Variants in CLINT1 observed in about 807,000 individuals in gnomAD.
The protein encoded by CLINT1 is clathrin interacting protein localized in the trans-Golgi region.
CLINT1 carries 15 observed loss-of-function variants against 70.4 expected under a neutral mutation model. The observed-to-expected ratio is 0.21, with a 90% CI of 0.14 to 0.33. CLINT1 has a LOEUF of 0.33. Among genes scored for constraint, CLINT1 ranks in the 10% least tolerant of loss-of-function variants. The pLI, the probability that CLINT1 is intolerant of heterozygous loss-of-function variation, is 1.00. For synonymous variants in CLINT1, 227 were observed against 254.7 expected, an observed-to-expected ratio of 0.89 and a Z score of 1.04; for missense variants, 615 against 778.1, an observed-to-expected ratio of 0.79 and a Z score of 2.49.
chr5:157,804,722 C>G (rs1418280380), intron 7 of CLINT1, among the ~76,000 whole-genome samples: 2 of 151,900 alleles, frequency 1.3e-5, no homozygotes, highest in African/African-American at 4.8e-5. Flanking sequence ...GTCGGGAGTT[C>G]GAGACTAGCC....
At chr5:157,802,525 T>C (rs1199038475) in intron 8 of CLINT1, among the ~76,000 whole-genome samples, 1 of 151,524 alleles carries the variant, frequency 6.6e-6, no homozygotes, top group Non-Finnish European at 1.5e-5. Flanking sequence ...TAAACAGTTC[T>C]TTTGCTGTAG....
chr5:157,857,573 G>A (rs1753799782), intron 1 of CLINT1, among the ~76,000 whole-genome samples: 1 of 152,124 alleles, frequency 6.6e-6, no homozygotes. Flanking sequence ...AACATATTCT[G>A]TTAAGGGCTT....
intron 1 of CLINT1, among the ~76,000 whole-genome samples, chr5:157,826,323 CT>C (rs1365694413): frequency 6.6e-6 from 1 of 152,128 alleles, no homozygotes; most frequent in African/African-American, 2.4e-5. Flanking sequence ...CTCAGGTAAA[CT>C]TTTGCATAGC....
intron 8 of CLINT1, chr5:157,795,211 G>A: frequency 2.2e-6 from 1 of 446,222 alleles, no homozygotes; most frequent in South Asian, 4.1e-5. Flanking sequence ...TGTATCTGTT[G>A]TTAAAATTAT....
intron 8 of CLINT1, among the ~76,000 whole-genome samples, chr5:157,798,586 A>G (rs1265925893): frequency 6.6e-6 from 1 of 152,228 alleles, no homozygotes; most frequent in East Asian, 1.9e-4. Flanking sequence ...GTGCAAAAAA[A>G]ATGTAAATAC....
chr5:157,839,720 AATCTATCTATCTATCT>A (rs10632085), intron 1 of CLINT1, among the ~76,000 whole-genome samples: 17,578 of 148,406 alleles, frequency 0.12, 1,245 homozygotes, highest in African/African-American at 0.19. Flanking sequence ...TTACAACAAA[AATCTATCTATCTATCT>A]ATCTATCTAT....
intron 6 of CLINT1, among the ~76,000 whole-genome samples, chr5:157,807,179 G>C (rs1439860310): frequency 6.6e-6 from 1 of 151,924 alleles, no homozygotes; most frequent in Non-Finnish European, 1.5e-5. Flanking sequence ...AACCAATCTG[G>C]AACTTGTATA....
Position 157,796,848 on chromosome 5 carries a change from T to G in CLINT1, c.1013-1876A>C, listed in dbSNP as rs141994121. Among the ~76,000 whole-genome samples the G allele has an allele frequency of 2.0e-5, 3 of 152,168 alleles. No homozygotes were observed. The East Asian group carries it at 5.8e-4, about 29-fold the overall frequency. On this transcript the variant is annotated intron_variant, in intron 8 of 11. Transcript: ENST00000411809. ...TCAACTAGCAGCAGGCATAACTAATTCCTCATTTCTTCACCACAGATGCAC... is the reference window on the plus strand; with the variant it reads ...TCAACTAGCAGCAGGCATAACTAATGCCTCATTTCTTCACCACAGATGCAC...
At chr5:157,808,079 G>A (rs1022983651) in intron 6 of CLINT1, among the ~76,000 whole-genome samples, 1 of 152,056 alleles carries the variant, frequency 6.6e-6, no homozygotes, top group African/African-American at 2.4e-5. Context: ...TACTGAAAAA[G>A]GATGCATATG....
intron 1 of CLINT1, among the ~76,000 whole-genome samples, chr5:157,834,363 TAA>T (rs35913533): frequency 6.9e-6 from 1 of 143,956 alleles, no homozygotes; most frequent in Non-Finnish European, 1.5e-5. Context: ...ACAGAGCGAT[TAA>T]AAAAAAAAAA....
At chr5:157,791,226 T>C (rs929363342) in intron 10 of CLINT1, among the ~76,000 whole-genome samples, 7 of 152,052 alleles carry the variant, frequency 4.6e-5, no homozygotes, top group Non-Finnish European at 1.0e-4. Context: ...GCCTGGCTAA[T>C]TTTTTGTATT....
At chr5:157,850,025 G>A (rs1301059689) in intron 1 of CLINT1, among the ~76,000 whole-genome samples, 1 of 152,196 alleles carries the variant, frequency 6.6e-6, no homozygotes, top group Non-Finnish European at 1.5e-5. Context: ...ACGAGTGTGA[G>A]TGCATACTAT....
At chr5:157,820,596 C>T (rs937878577) in intron 1 of CLINT1, among the ~76,000 whole-genome samples, 1 of 152,186 alleles carries the variant, frequency 6.6e-6, no homozygotes, top group Non-Finnish European at 1.5e-5. Context: ...TATTCCAGGT[C>T]ATTTAAAAAT....
chr5:157,801,190 G>A (rs547627223), intron 8 of CLINT1, among the ~76,000 whole-genome samples: 10 of 152,206 alleles, frequency 6.6e-5, no homozygotes, highest in South Asian at 2.1e-4. Context: ...ACAGAAAAAC[G>A]GGAAAGGGAA....
In CLINT1 at chr5:157,809,269, T is replaced by C. The variant is rs112455774; in HGVS notation, c.695+359A>G. ...ATACAGTAATGAGGAATATTATGCATTTGTCGAAACCCATAGAAGTGTACA... is the reference window on the plus strand; with the variant it reads ...ATACAGTAATGAGGAATATTATGCACTTGTCGAAACCCATAGAAGTGTACA... On this transcript the variant is annotated intron_variant, in intron 6 of 11. Coordinates refer to ENST00000411809, the MANE Select transcript of CLINT1 (RefSeq NM_014666.4). The C allele has an allele frequency of 5.9e-4, 101 of 170,450 alleles. 1 individual carries two copies. The highest frequency in any genetic ancestry group is 2.2e-3 in the African/African-American group (93 of 41,886). The allele number at this position is 170,450 out of a possible 1,614,324, so 10.6% of individuals were successfully genotyped here. A position where few individuals can be genotyped will look rare whatever the true frequency, so the allele number is the denominator to read the frequency against.
rs890503976 is a variant in CLINT1, at chr5:157,786,323, G to C, written c.*1323C>G. The C allele has an allele frequency of 6.6e-6, 1 of 152,340 alleles. No individual in the cohort carries two copies. The allele number at this position is 152,340 out of a possible 1,614,324, so 9.4% of individuals were successfully genotyped here. On this transcript the variant is annotated 3_prime_UTR_variant, in exon 12 of 12. Coordinates refer to ENST00000411809, the MANE Select transcript of CLINT1 (RefSeq NM_014666.4). ...GAACATTTTAATGTTATGTATAACAGAACATTATGAATATAATGGAAATAA... is the reference window on the plus strand; with the variant it reads ...GAACATTTTAATGTTATGTATAACACAACATTATGAATATAATGGAAATAA...
intron 1 of CLINT1, among the ~76,000 whole-genome samples, chr5:157,844,735 C>T (rs994563218): frequency 6.6e-5 from 10 of 152,140 alleles, no homozygotes; most frequent in Admixed American, 2.6e-4. Flanking sequence ...TGAGGCATGT[C>T]GAACTGACCA....
At chr5:157,815,226 G>A (rs1198965613) in intron 3 of CLINT1, among the ~76,000 whole-genome samples, 1 of 151,894 alleles carries the variant, frequency 6.6e-6, no homozygotes, top group African/African-American at 2.4e-5. Context: ...CTTGAGCCCA[G>A]GAGGTCAAGA....
chr5:157,808,428 A>G (rs1762451532), intron 6 of CLINT1, among the ~76,000 whole-genome samples: 2 of 152,120 alleles, frequency 1.3e-5, no homozygotes, highest in African/African-American at 4.8e-5. Context: ...TGGTTCCATC[A>G]CTAACTGTGT....
Sources: allele counts gnomAD v4.1 joint callset (sites outside exome capture counted in the v4.1 genomes callset), GRCh38; gene constraint gnomAD v4.1.1; transcripts MANE v1.5; gene names NCBI Gene and HGNC (gene_info 2026-07-23, HGNC 2026-07-21).